Variants in CELF2 observed in about 807,000 individuals in gnomAD.
The protein encoded by CELF2 is CUG triplet repeat RNA-binding protein 2.
In CELF2, 8 loss-of-function variants were observed where a neutral mutation model predicts 62.6. The observed-to-expected ratio is 0.13, with a 90% confidence interval of 0.07 to 0.23. CELF2 has a LOEUF of 0.23. Among genes scored for constraint, CELF2 ranks in the 10% least tolerant of loss-of-function variants. The pLI, the probability that CELF2 is intolerant of heterozygous loss-of-function variation, is 1.00. For synonymous variants in CELF2, 258 were observed against 250.0 expected, an observed-to-expected ratio of 1.03 and a Z score of -0.30; for missense variants, 333 against 671.0, an observed-to-expected ratio of 0.50 and a Z score of 5.56.
chr10:10,850,864 G>T (rs11256867), intron 1 of CELF2, among the ~76,000 whole-genome samples: 1 of 151,964 alleles, frequency 6.6e-6, no homozygotes, highest in Non-Finnish European at 1.5e-5. Context: ...GGAGTGCAGT[G>T]GCGTGACCTC....
At chr10:10,694,168 T>C in the CELF2 span, among the ~76,000 whole-genome samples, 2 of 151,962 alleles carry the variant, frequency 1.3e-5, no homozygotes, top group Non-Finnish European at 2.9e-5. Context: ...AATTTCCCTC[T>C]ACACACTGCT....
intron 1 of CELF2, among the ~76,000 whole-genome samples, chr10:11,033,349 C>A (rs951424931): frequency 6.6e-6 from 1 of 152,006 alleles, no homozygotes; most frequent in South Asian, 2.1e-4. Flanking sequence ...CTTCCACCCC[C>A]CAGGTTCAAG....
chr10:10,792,020 C>CAGGGAGGAAGCAAGGAGGGAGAG, the CELF2 span, among the ~76,000 whole-genome samples: 1 of 103,272 alleles, frequency 9.7e-6, no homozygotes, highest in Non-Finnish European at 1.9e-5. Flanking sequence ...AGGAGGGAGA[C>CAGGGAGGAAGCAAGGAGGGAGAG]AGGGAGGAAG....
chr10:11,317,435 T>A (rs955083364), intron 10 of CELF2: 2 of 152,262 alleles, frequency 1.3e-5, no homozygotes, highest in Admixed American at 6.5e-5. Flanking sequence ...ACCTTAGTTC[T>A]AGATATTTTA....
intron 2 of CELF2, among the ~76,000 whole-genome samples, chr10:10,979,702 A>G (rs1431328577): frequency 6.7e-6 from 1 of 149,084 alleles, no homozygotes; most frequent in South Asian, 2.1e-4. Context: ...AAAAAATTCC[A>G]TTGGCTTATA....
intron 1 of CELF2, among the ~76,000 whole-genome samples, chr10:11,141,470 A>G (rs937744248): frequency 1.3e-5 from 2 of 152,210 alleles, no homozygotes; most frequent in African/African-American, 4.8e-5. Flanking sequence ...GAAAGGCTTG[A>G]AGAGTACCTA....
chr10:10,815,644 G>A (rs576441149), intron 1 of CELF2, among the ~76,000 whole-genome samples: 1 of 152,290 alleles, frequency 6.6e-6, no homozygotes, highest in Admixed American at 6.5e-5. Flanking sequence ...CAATCAAGCA[G>A]CTCTCTCCAG....
intron 2 of CELF2, among the ~76,000 whole-genome samples, chr10:11,210,048 G>A (rs1589114075): frequency 6.6e-6 from 1 of 152,272 alleles, no homozygotes; most frequent in Non-Finnish European, 1.5e-5. Context: ...AGCCTTCCAG[G>A]GCCTTCGTCC....
intron 2 of CELF2, among the ~76,000 whole-genome samples, chr10:11,189,615 A>G (rs574082058): frequency 6.6e-6 from 1 of 152,270 alleles, no homozygotes; most frequent in South Asian, 2.1e-4. Flanking sequence ...CTCAGGGAGT[A>G]TACTGGGTCC....
the CELF2 span, among the ~76,000 whole-genome samples, chr10:10,627,975 T>C: frequency 4.6e-5 from 7 of 152,338 alleles, no homozygotes; most frequent in Middle Eastern, 3.4e-3. Flanking sequence ...CGATCTCAGC[T>C]CACTGCAGCC....
the CELF2 span, among the ~76,000 whole-genome samples, chr10:10,766,104 C>T: frequency 6.6e-6 from 1 of 152,220 alleles, no homozygotes; most frequent in African/African-American, 2.4e-5. Flanking sequence ...GAAACCAGAA[C>T]TTCTAACTTG....
At chr10:10,690,835 G>A in the CELF2 span, among the ~76,000 whole-genome samples, 7 of 152,146 alleles carry the variant, frequency 4.6e-5, no homozygotes, top group South Asian at 4.2e-4. Flanking sequence ...AGCCTAGATC[G>A]TGCCAACTGC....
the CELF2 span, among the ~76,000 whole-genome samples, chr10:10,469,003 C>T: frequency 6.6e-6 from 1 of 151,740 alleles, no homozygotes; most frequent in Admixed American, 6.6e-5. Context: ...GAACTTATTA[C>T]AGTGCAAAAA....
chr10:10,906,707 T>TTTTTC, intron 1 of CELF2, among the ~76,000 whole-genome samples: 1 of 140,690 alleles, frequency 7.1e-6, no homozygotes, highest in South Asian at 2.2e-4. Context: ...TTTCTTTTTC[T>TTTTTC]TTTTCTTTTC....
At chr10:10,683,274 T>C in the CELF2 span, among the ~76,000 whole-genome samples, 3 of 152,232 alleles carry the variant, frequency 2.0e-5, no homozygotes, top group African/African-American at 7.2e-5. Flanking sequence ...CTTAGGTTTT[T>C]AAATGTCATT....
At position 11,156,718 on chromosome 10, in the gene CELF2, C is replaced by G. The variant is rs593836; in HGVS notation, c.75-8768C>G. On this transcript the variant is annotated intron_variant, in intron 1 of 12. Coordinates refer to ENST00000633077, the MANE Select transcript of CELF2 (RefSeq NM_001326342.2). The surrounding 1 kb of genome is among the most constrained non-coding windows in gnomAD (Gnocchi z 4.3). ...CACTTCCACCATGCACTTGATGGGG[C>G]TTCCGTGAATCGCTGTTTCTGAGGT... Among the ~76,000 whole-genome samples the G allele has an allele frequency of 0.55, 82,818 of 151,940 alleles. 23,845 individuals are homozygous for G. Among genetic ancestry groups the G allele is most frequent in the East Asian group, 0.84 (4,333 of 5,166 alleles).
intron 2 of CELF2, among the ~76,000 whole-genome samples, chr10:10,933,735 T>C (rs542385445): frequency 4.9e-4 from 75 of 152,338 alleles, no homozygotes; most frequent in Non-Finnish European, 9.0e-4. Flanking sequence ...CTTAACATAA[T>C]GCTCTCCAAG....
At chr10:10,497,505 T>C in the CELF2 span, among the ~76,000 whole-genome samples, 1 of 152,112 alleles carries the variant, frequency 6.6e-6, no homozygotes, top group African/African-American at 2.4e-5. Flanking sequence ...GTATACTATA[T>C]ATGATACCCC....
At chr10:10,780,584 G>T in the CELF2 span, among the ~76,000 whole-genome samples, 1 of 152,210 alleles carries the variant, frequency 6.6e-6, no homozygotes, top group Admixed American at 6.5e-5. Flanking sequence ...GGGTTCAAGC[G>T]ATTCTCCTGC....
Sources: allele counts gnomAD v4.1 joint callset (sites outside exome capture counted in the v4.1 genomes callset), GRCh38; gene constraint gnomAD v4.1.1; non-coding constraint Gnocchi (gnomAD v3.1); transcripts MANE v1.5; gene names NCBI Gene and HGNC (gene_info 2026-07-23, HGNC 2026-07-21).